The following LUZP2 variants were observed in gnomAD, a reference collection of about 807,000 sequenced individuals.
The protein encoded by LUZP2 is leucine zipper protein 2.
LUZP2 carries 52 observed loss-of-function variants against 51.6 expected under a neutral mutation model. The ratio of observed to expected loss-of-function variants is 1.01; its 90% CI spans 0.81 to 1.27. LUZP2 has a LOEUF of 1.27. Among genes scored for constraint, LUZP2 ranks in the 50% most tolerant of loss-of-function variants. The probability of loss-of-function intolerance (pLI) is 0.00; values close to 1 mark genes in which losing one functional copy is unlikely to be tolerated. For missense variants in LUZP2, 436 were observed against 395.4 expected (o/e 1.10, Z -0.87); for synonymous variants, 154 against 137.3 (o/e 1.12, Z -0.85).
At chr11:24,513,954 A>G (rs1258511259) in intron 1 of LUZP2, among the ~76,000 whole-genome samples, 1 of 152,204 alleles carries the variant, frequency 6.6e-6, no homozygotes, top group Non-Finnish European at 1.5e-5. Context: ...TAATGTTTTG[A>G]AGTGTCCAAG....
At position 24,875,943 on chromosome 11, in the gene LUZP2, TG is replaced by T. The variant is rs961308531; in HGVS notation, c.397-30044del. On this transcript the variant is annotated intron_variant, in intron 5 of 11. Transcript: ENST00000336930. Reference sequence around the variant, plus strand: ...TTCATGTCCTTTGCCCACTTTTTGATGGGGTTGTTTGTTTTTTTCTTGTAAA... The same window carrying T: ...TTCATGTCCTTTGCCCACTTTTTGATGGGTTGTTTGTTTTTTTCTTGTAAA... Among the ~76,000 whole-genome samples the T allele has an allele frequency of 1.9e-3, 293 of 151,232 alleles. 2 individuals are homozygous for T. Among genetic ancestry groups the T allele is most frequent in the African/African-American group, 6.7e-3 (276 of 41,026 alleles).
chr11:24,904,807 A>G (rs1317899276), intron 5 of LUZP2, among the ~76,000 whole-genome samples: 1 of 152,178 alleles, frequency 6.6e-6, no homozygotes, highest in African/African-American at 2.4e-5. Flanking sequence ...TTATCTAATT[A>G]AAGTATATAA....
rs71044331 is a variant in LUZP2 at position 25,050,291 on chromosome 11, CTTTTTTTTTTTTT to C, written c.858+177_858+189del. Among the ~76,000 whole-genome samples the C allele has an allele frequency of 5.3e-4, 41 of 77,200 alleles. No homozygotes were observed. In the South Asian group the frequency reaches 6.2e-3, roughly 12 times the overall value. The allele number at this position is 77,200 out of a possible 152,430, so 50.6% of individuals were successfully genotyped here. ...TAAGAAAGTAAATGTTCTTTATGTT[CTTTTTTTTTTTTT>C]TTTTTTTTTTTTTTTGAGACGGAGT... On this transcript the variant is annotated intron_variant, in intron 10 of 11. Transcript: ENST00000336930.
chr11:24,897,651 T>C (rs1345690546), intron 5 of LUZP2, among the ~76,000 whole-genome samples: 1 of 152,156 alleles, frequency 6.6e-6, no homozygotes, highest in Non-Finnish European at 1.5e-5. Flanking sequence ...TGGACACACA[T>C]ATTTAAGAAT....
At chr11:24,707,308 GTGTGTGTGTGTGTGTGTGCA>G (rs1857626155) in intron 1 of LUZP2, among the ~76,000 whole-genome samples, 1 of 130,180 alleles carries the variant, frequency 7.7e-6, no homozygotes, top group South Asian at 2.1e-4. Context: ...CTGTGTGTGC[GTGTGTGTGTGTGTGTGTGCA>G]TGTGTGTGTC....
chr11:25,043,560 G>GGATATATGAATCCAGGATATATGA (rs1858146770), intron 9 of LUZP2, among the ~76,000 whole-genome samples: 1 of 149,418 alleles, frequency 6.7e-6, no homozygotes, highest in Non-Finnish European at 1.5e-5. Context: ...AGCTCTGCAA[G>GGATATATGAATCCAGGATATATGA]GATATATGTA....
In LUZP2 at chr11:25,040,583, A is replaced by G. The variant is rs74769997; in HGVS notation, c.766-9455A>G. Among the ~76,000 whole-genome samples, 69 of 152,244 alleles carry G rather than the reference A, an allele frequency of 4.5e-4. 1 individual carries two copies. The East Asian group carries it at 0.013, about 28-fold the overall frequency. On this transcript the variant is annotated intron_variant, in intron 9 of 11. Transcript: ENST00000336930. Reference sequence around the variant, plus strand: ...AAACGCTATTTGATTCTCCTAACTCAGTGGACCTCTCAGTCTGTTTTTTCA... The same window carrying G: ...AAACGCTATTTGATTCTCCTAACTCGGTGGACCTCTCAGTCTGTTTTTTCA...
intron 10 of LUZP2, among the ~76,000 whole-genome samples, chr11:25,051,442 T>G (rs1858510985): frequency 6.6e-6 from 1 of 152,248 alleles, no homozygotes; most frequent in Non-Finnish European, 1.5e-5. Context: ...ATAAAATGCT[T>G]GAAATTTACT....
chr11:25,025,251 C>G (rs918235265), intron 9 of LUZP2, among the ~76,000 whole-genome samples: 1 of 152,022 alleles, frequency 6.6e-6, no homozygotes, highest in Non-Finnish European at 1.5e-5. Context: ...GACTTCATGT[C>G]TAAAACACCA....
intron 5 of LUZP2, among the ~76,000 whole-genome samples, chr11:24,820,581 A>G (rs1259143964): frequency 1.3e-5 from 2 of 152,156 alleles, no homozygotes; most frequent in East Asian, 3.8e-4. Context: ...GAGATCTGAA[A>G]AATAATAAAT....
intron 1 of LUZP2, among the ~76,000 whole-genome samples, chr11:24,573,160 C>G (rs1026325110): frequency 1.3e-4 from 20 of 151,844 alleles, no homozygotes; most frequent in Admixed American, 6.6e-4. Context: ...ACCAGAGTAA[C>G]AAGCATTGGT....
intron 1 of LUZP2, among the ~76,000 whole-genome samples, chr11:24,688,789 T>G (rs928844897): frequency 2.6e-5 from 4 of 152,056 alleles, no homozygotes; most frequent in Non-Finnish European, 5.9e-5. Flanking sequence ...TTACTGGGAG[T>G]TCATCTCTCA....
chr11:24,697,054 CA>C (rs1857271445), intron 1 of LUZP2, among the ~76,000 whole-genome samples: 1 of 152,052 alleles, frequency 6.6e-6, no homozygotes, highest in African/African-American at 2.4e-5. Context: ...TGAAATTAGG[CA>C]AGGTCTAAAT....
chr11:24,912,300 A>T (rs1853658911), intron 6 of LUZP2, among the ~76,000 whole-genome samples: 1 of 148,346 alleles, frequency 6.7e-6, no homozygotes, highest in Non-Finnish European at 1.5e-5. Flanking sequence ...TAACTTCCTG[A>T]TTCAATGGAT....
intron 9 of LUZP2, among the ~76,000 whole-genome samples, chr11:24,997,046 C>A (rs1305423229): frequency 6.7e-6 from 1 of 148,898 alleles, no homozygotes; most frequent in African/African-American, 2.5e-5. Flanking sequence ...GGTTCCAAGT[C>A]TTTGCTATTG....
At chr11:24,505,688 A>G (rs1475770164) in intron 1 of LUZP2, among the ~76,000 whole-genome samples, 1 of 152,150 alleles carries the variant, frequency 6.6e-6, no homozygotes, top group African/African-American at 2.4e-5. Context: ...TACAAACTAA[A>G]AAAACAAATA....
intron 1 of LUZP2, among the ~76,000 whole-genome samples, chr11:24,680,671 T>C (rs1856703716): frequency 6.6e-6 from 1 of 152,284 alleles, no homozygotes; most frequent in South Asian, 2.1e-4. Context: ...TAACAGTCCT[T>C]TATGTTCAAC....
At chr11:24,624,380 A>C (rs1203296494) in intron 1 of LUZP2, among the ~76,000 whole-genome samples, 1 of 152,188 alleles carries the variant, frequency 6.6e-6, no homozygotes. Context: ...AAAATAAGTC[A>C]ATTATTACAA....
chr11:24,634,317 C>A (rs1590272454), intron 1 of LUZP2, among the ~76,000 whole-genome samples: 1 of 151,886 alleles, frequency 6.6e-6, no homozygotes, highest in African/African-American at 2.4e-5. Flanking sequence ...TAATGTATAC[C>A]ATAATCAGAT....
Sources: gnomAD v4.1 joint callset for allele counts (sites outside exome capture counted in the v4.1 genomes callset) on GRCh38, gnomAD v4.1.1 for gene constraint, MANE v1.5 for transcripts, NCBI Gene and HGNC (gene_info 2026-07-23, HGNC 2026-07-21) for gene names.